The following PIP4K2A variants were observed in gnomAD, a reference collection of about 807,000 sequenced individuals.
The protein encoded by PIP4K2A is phosphatidylinositol 5-phosphate 4-kinase type-2 alpha.
PIP4K2A carries 14 observed loss-of-function variants against 42.9 expected under a neutral mutation model. That is an observed-to-expected ratio of 0.33 (90% CI 0.22 to 0.51). The LOEUF (loss-of-function observed/expected upper bound fraction) is 0.51. Ranked by LOEUF, PIP4K2A falls within the 20% of genes least tolerant of loss-of-function variation. PIP4K2A has a pLI of 0.97. For synonymous variants in PIP4K2A, 192 were observed against 192.2 expected (o/e 1.00, Z 0.01); for missense variants, 434 against 519.8 (o/e 0.83, Z 1.61).
chr10:22,539,886 GGAGAGAGA>G (rs982297619), intron 9 of PIP4K2A, 77 bp downstream of exon 9: 3 of 699,526 alleles, frequency 4.3e-6, no homozygotes, highest in South Asian at 1.6e-5. Flanking sequence ...AGAGGAGCCA[GGAGAGAGA>G]GAGAGAGAGA....
At chr10:22,676,529 A>G (rs1333178262) in intron 1 of PIP4K2A, among the ~76,000 whole-genome samples, 1 of 152,162 alleles carries the variant, frequency 6.6e-6, no homozygotes, top group Non-Finnish European at 1.5e-5. Flanking sequence ...CGATACAGTT[A>G]TAGGTGGAGA....
intron 1 of PIP4K2A, among the ~76,000 whole-genome samples, chr10:22,659,252 G>A (rs151036179): frequency 7.2e-4 from 109 of 152,186 alleles, no homozygotes; most frequent in African/African-American, 2.6e-3. Context: ...CTCATAACAC[G>A]TCTTTATGGC....
intron 6 of PIP4K2A, among the ~76,000 whole-genome samples, chr10:22,566,474 C>T (rs774742884): frequency 8.5e-5 from 13 of 152,172 alleles, no homozygotes; most frequent in Non-Finnish European, 1.3e-4. Context: ...CTTCCCTCTA[C>T]GCACACTCCC....
chr10:22,664,199 A>G (rs1224964075), intron 1 of PIP4K2A, among the ~76,000 whole-genome samples: 1 of 69,246 alleles, frequency 1.4e-5, no homozygotes, highest in East Asian at 3.0e-4. Context: ...ATACATATAT[A>G]TATACATATA....
intron 6 of PIP4K2A, among the ~76,000 whole-genome samples, chr10:22,565,877 G>A (rs10159727): frequency 0.91 from 137,714 of 152,150 alleles, 62,473 homozygotes; most frequent in East Asian, 1. Flanking sequence ...TCGAAACTGC[G>A]GAGATGAAAT....
chr10:22,578,523 G>A (rs781213349), intron 4 of PIP4K2A, among the ~76,000 whole-genome samples: 8 of 152,196 alleles, frequency 5.3e-5, no homozygotes, highest in Non-Finnish European at 1.2e-4. Context: ...CTCCTACTCC[G>A]TCCCATCTTT....
At chr10:22,610,421 C>T (rs2559529) in intron 1 of PIP4K2A, among the ~76,000 whole-genome samples, 1 of 152,180 alleles carries the variant, frequency 6.6e-6, no homozygotes, top group Non-Finnish European at 1.5e-5. Flanking sequence ...ACTTTCTCTT[C>T]GTTAACTATT....
chr10:22,538,482 A>C (rs9783154), intron 9 of PIP4K2A, among the ~76,000 whole-genome samples: 42,398 of 152,142 alleles, frequency 0.28, 6,186 homozygotes, highest in East Asian at 0.41. Flanking sequence ...AAACCCCATC[A>C]GCAAGGCAGT....
At chr10:22,575,697 T>G (rs1435122433) in intron 4 of PIP4K2A, among the ~76,000 whole-genome samples, 1 of 152,062 alleles carries the variant, frequency 6.6e-6, no homozygotes, top group African/African-American at 2.4e-5. Flanking sequence ...CCCAGCACTT[T>G]TGGAGGCCAA....
At chr10:22,660,753 G>A (rs561219688) in intron 1 of PIP4K2A, among the ~76,000 whole-genome samples, 1 of 151,538 alleles carries the variant, frequency 6.6e-6, no homozygotes, top group South Asian at 2.1e-4. Context: ...CTAACTCTAT[G>A]ACATCAATAA....
At chr10:22,661,957 G>C (rs1298952895) in intron 1 of PIP4K2A, 4 of 151,998 alleles carry the variant, frequency 2.6e-5, no homozygotes, top group African/African-American at 2.4e-5. Context: ...TGATGTGAAA[G>C]GAATTCTGTA....
intron 7 of PIP4K2A, among the ~76,000 whole-genome samples, chr10:22,546,175 G>T (rs898094960): frequency 2.0e-5 from 3 of 152,148 alleles, no homozygotes; most frequent in Admixed American, 6.5e-5. Flanking sequence ...CTTTAAAATT[G>T]GACAATGCCA....
intron 7 of PIP4K2A, among the ~76,000 whole-genome samples, chr10:22,545,358 A>G (rs952243147): frequency 6.6e-6 from 1 of 152,228 alleles, no homozygotes; most frequent in African/African-American, 2.4e-5. Flanking sequence ...TTTTAGTTAC[A>G]GAAGTCAGGG....
chr10:22,685,568 G>A (rs557877211), intron 1 of PIP4K2A, among the ~76,000 whole-genome samples: 2 of 152,174 alleles, frequency 1.3e-5, no homozygotes, highest in East Asian at 1.9e-4. Flanking sequence ...TTAAAAATTC[G>A]CTGGGCATGG....
At chr10:22,687,550 C>T (rs957261674) in intron 1 of PIP4K2A, among the ~76,000 whole-genome samples, 8 of 152,040 alleles carry the variant, frequency 5.3e-5, no homozygotes, top group Admixed American at 4.6e-4. Context: ...AGCAGACACA[C>T]ACACACACAC....
intron 1 of PIP4K2A, among the ~76,000 whole-genome samples, chr10:22,648,771 T>A (rs1190129339): frequency 2.0e-5 from 3 of 152,222 alleles, no homozygotes; most frequent in Non-Finnish European, 4.4e-5. Context: ...CCAAGCTTAA[T>A]GAGCAAGAAG....
intron 3 of PIP4K2A, among the ~76,000 whole-genome samples, chr10:22,592,123 T>A (rs1459080435): frequency 6.6e-6 from 1 of 152,186 alleles, no homozygotes; most frequent in Non-Finnish European, 1.5e-5. Context: ...GTTCCAGTCA[T>A]AAAAGAAAAT....
intron 1 of PIP4K2A, among the ~76,000 whole-genome samples, chr10:22,622,701 G>A (rs922342975): frequency 2.0e-5 from 3 of 152,186 alleles, no homozygotes; most frequent in Non-Finnish European, 4.4e-5. Context: ...CCAGCACCTC[G>A]TTCTAAAACC....
At chr10:22,609,530 C>T in intron 2 of PIP4K2A, 90 bp downstream of exon 2, 1 of 751,568 alleles carries the variant, frequency 1.3e-6, no homozygotes, top group Non-Finnish European at 2.4e-6. Context: ...TTACTCCCAC[C>T]CATTGACAAA....
Sources: allele counts gnomAD v4.1 joint callset (sites outside exome capture counted in the v4.1 genomes callset), GRCh38; gene constraint gnomAD v4.1.1; transcripts MANE v1.5; gene names NCBI Gene and HGNC (gene_info 2026-07-23, HGNC 2026-07-21).